The following RAD54L2 variants were observed in gnomAD, a reference collection of about 807,000 sequenced individuals.
RAD54L2 encodes the protein RAD54 like 2.
Under a neutral mutation model 138.4 loss-of-function variants are expected in RAD54L2, and 27 were observed. The ratio of observed to expected loss-of-function variants is 0.20; its 90% CI spans 0.14 to 0.27. RAD54L2 has a LOEUF of 0.27. RAD54L2 is among the 10% of genes least tolerant of loss of function. The pLI, the probability that RAD54L2 is intolerant of heterozygous loss-of-function variation, is 1.00. For missense variants in RAD54L2, 1,396 were observed against 1,890.2 expected (o/e 0.74, Z 4.85); for synonymous variants, 644 against 723.2 (o/e 0.89, Z 1.76).
At position 51,662,527 on chromosome 3, in the gene RAD54L2, G is replaced by C; in HGVS notation, c.3511G>C (p.Asp1171His). 4 of 1,613,498 alleles carry C rather than the reference G, an allele frequency of 2.5e-6. No homozygotes were observed. Among genetic ancestry groups the C allele is most frequent in the Non-Finnish European group, 3.4e-6 (4 of 1,179,672 alleles). Residue 1171 changes from aspartate to histidine, a missense_variant, in exon 23 of 23, where the codon GAC becomes CAC. This residue lies in a region of RAD54L2 where 634 missense variants were observed against 711.2 expected (regional missense o/e 0.89). Coordinates refer to ENST00000684192, the MANE Select transcript of RAD54L2 (RefSeq NM_015106.4). The surrounding 1 kb of genome is among the most constrained non-coding windows in gnomAD (Gnocchi z 4.6). ...PEGLARPVSP[D>H]SPEIISELQQ... ...GGGGCTGGCCAGGCCCGTCTCTCCT[G>C]ACAGCCCAGAGATCATCAGTGAGCT... is the stretch of plus-strand genomic sequence containing the variant.
intron 3 of RAD54L2, among the ~76,000 whole-genome samples, chr3:51,604,814 C>T (rs1227967526): frequency 1.3e-5 from 2 of 152,172 alleles, no homozygotes; most frequent in Non-Finnish European, 2.9e-5. Context: ...TCACCACAGA[C>T]TTGGGACTGG....
chr3:51,566,426 A>G (rs1699218039), intron 2 of RAD54L2, among the ~76,000 whole-genome samples: 1 of 127,386 alleles, frequency 7.9e-6, no homozygotes. Context: ...TGCTTTTGTA[A>G]TCATGAATAG....
intron 22 of RAD54L2, among the ~76,000 whole-genome samples, chr3:51,661,327 C>T (rs1701767316): frequency 6.6e-6 from 1 of 152,130 alleles, no homozygotes; most frequent in African/African-American, 2.4e-5. Flanking sequence ...CCTTTTTTCA[C>T]TCACCAGTAA....
chr3:51,656,465 A>G (rs977618623), intron 20 of RAD54L2, among the ~76,000 whole-genome samples: 1 of 152,174 alleles, frequency 6.6e-6, no homozygotes, highest in Non-Finnish European at 1.5e-5. Flanking sequence ...TCAGGTTCTT[A>G]TAGAGGTGTG....
chr3:51,600,076 G>A (rs572436482), intron 3 of RAD54L2, among the ~76,000 whole-genome samples: 167 of 152,114 alleles, frequency 1.1e-3, no homozygotes, highest in African/African-American at 4.0e-3. Flanking sequence ...CTGACTATGG[G>A]CACCTGCTAC....
chr3:51,640,464 C>T (rs892828842), intron 14 of RAD54L2, among the ~76,000 whole-genome samples: 3 of 152,128 alleles, frequency 2.0e-5, no homozygotes, highest in African/African-American at 7.2e-5. Flanking sequence ...TAGTTTGCTC[C>T]GGAGTTATAT....
At chr3:51,593,688 T>A (rs528184742) in intron 3 of RAD54L2, among the ~76,000 whole-genome samples, 150 of 152,350 alleles carry the variant, frequency 9.8e-4, no homozygotes, top group African/African-American at 3.5e-3. Flanking sequence ...AGCTTACTTT[T>A]ATATTGTTTG....
Position 51,638,176 on chromosome 3 carries a change from C to T in RAD54L2, c.1715C>T (p.Pro572Leu), listed in dbSNP as rs1424700479. Residue 572 changes from proline to leucine, a missense_variant, in exon 12 of 23, where the codon CCT (proline) becomes CTT (leucine). Around this residue, in one of 7 missense-constraint regions of RAD54L2, gnomAD observed 211 missense variants for 273.8 expected, o/e 0.77. Transcript: ENST00000684192. The surrounding 1 kb of genome is among the most constrained non-coding windows in gnomAD (Gnocchi z 4.3). Reference sequence around the variant, plus strand: ...CACACTGTGCTGAAGATTCATCTCCCTGCCAAGGAAGAAAATGTGATCCTT... The same window carrying T: ...CACACTGTGCTGAAGATTCATCTCCTTGCCAAGGAAGAAAATGTGATCCTT... ...RGHTVLKIHLPAKEENVILVR... is the reference protein window; with the variant it reads ...RGHTVLKIHLLAKEENVILVR... The T allele has an allele frequency of 6.2e-7, 1 of 1,613,998 alleles. No homozygotes were observed. Among genetic ancestry groups the T allele is most frequent in the Non-Finnish European group, 8.5e-7 (1 of 1,179,878 alleles).
chr3:51,664,833 C>T lies in RAD54L2; in HGVS notation c.*1413C>T, dbSNP rs1057330824. 2 of 152,200 alleles carry T rather than the reference C, an allele frequency of 1.3e-5. No homozygotes were observed. The highest frequency in any genetic ancestry group is 4.8e-5 in the African/African-American group (2 of 41,434). 9.4% of individuals were successfully genotyped at this position (152,200 alleles called of 1,614,324 possible). On this transcript the variant is annotated 3_prime_UTR_variant, in exon 23 of 23. Transcript: ENST00000684192. ...GAGTTTGCAATTGGGAAGTAAGAGA[C>T]CCCAGATTTGGAGCTGTGTCCTCCT...
chr3:51,651,014 A>G (rs1701416835), intron 19 of RAD54L2, among the ~76,000 whole-genome samples: 1 of 152,182 alleles, frequency 6.6e-6, no homozygotes, highest in Admixed American at 6.5e-5. Context: ...TTTTGAAAAG[A>G]GCAACAAAAT....
intron 19 of RAD54L2, among the ~76,000 whole-genome samples, chr3:51,654,422 A>G (rs1026536984): frequency 6.6e-6 from 1 of 152,164 alleles, no homozygotes; most frequent in Non-Finnish European, 1.5e-5. Context: ...ACATGGTGGC[A>G]CATACCTGTA....
chr3:51,551,518 C>G (rs1698837213), intron 2 of RAD54L2, among the ~76,000 whole-genome samples: 1 of 151,796 alleles, frequency 6.6e-6, no homozygotes, highest in African/African-American at 2.4e-5. Context: ...TCACTGCAAC[C>G]TCCGCCTCCT....
chr3:51,640,583 G>T (rs1701106088), intron 14 of RAD54L2, among the ~76,000 whole-genome samples: 2 of 152,208 alleles, frequency 1.3e-5, no homozygotes, highest in Admixed American at 1.3e-4. Context: ...TCCAAGAAGA[G>T]CCAAGTGGCA....
intron 21 of RAD54L2, among the ~76,000 whole-genome samples, chr3:51,658,810 A>G (rs1198277875): frequency 6.6e-6 from 1 of 152,154 alleles, no homozygotes; most frequent in Non-Finnish European, 1.5e-5. Context: ...TTCCTAGTTT[A>G]TAGCTGGGGT....
intron 3 of RAD54L2, among the ~76,000 whole-genome samples, chr3:51,625,520 A>C (rs1700658891): frequency 6.6e-6 from 1 of 152,132 alleles, no homozygotes; most frequent in African/African-American, 2.4e-5. Context: ...TTAACATACC[A>C]CAGTAATAAT....
At chr3:51,564,682 T>A (rs558025818) in intron 2 of RAD54L2, among the ~76,000 whole-genome samples, 2 of 152,306 alleles carry the variant, frequency 1.3e-5, no homozygotes, top group South Asian at 4.1e-4. Context: ...TTTGGGAGGC[T>A]GAGGTGGGTG....
Position 51,663,277 on chromosome 3 carries a change from T to A in RAD54L2, c.4261T>A (p.Ser1421Thr). The A allele has an allele frequency of 6.2e-7, 1 of 1,613,896 alleles. No individual in the cohort carries two copies. Among genetic ancestry groups the A allele is most frequent in the Non-Finnish European group, 8.5e-7 (1 of 1,179,864 alleles). The change falls in exon 23 of 23, where the codon TCC (serine) becomes ACC (threonine). Residue 1421 changes from serine (S) to threonine (T), a missense_variant. This residue lies in a region of RAD54L2 where 634 missense variants were observed against 711.2 expected (regional missense o/e 0.89). Transcript: ENST00000684192. The part of the protein sequence containing the change: ...RGMSIYPGYM[S>T]PHAGYPAGGL... ...CATGTCTATCTATCCAGGCTACATG[T>A]CCCCACATGCAGGCTACCCAGCTGG...
chr3:51,666,331 G>A lies in RAD54L2; in HGVS notation c.*2911G>A, dbSNP rs1701911986. The A allele has an allele frequency of 6.6e-6, 1 of 151,984 alleles. No individual in the cohort carries two copies. The highest frequency in any genetic ancestry group is 1.5e-5 in the Non-Finnish European group (1 of 68,038). 9.4% of individuals were successfully genotyped at this position (151,984 alleles called of 1,614,324 possible). A position where few individuals can be genotyped will look rare whatever the true frequency, so the allele number is the denominator to read the frequency against. On this transcript the variant is annotated 3_prime_UTR_variant, in exon 23 of 23. Coordinates refer to ENST00000684192, the MANE Select transcript of RAD54L2 (RefSeq NM_015106.4). ...TGAGGGAAGCAGGAAGTATCTCAGA[G>A]CCTAAGAACCATGTTTTATAGTTTC...
intron 3 of RAD54L2, among the ~76,000 whole-genome samples, chr3:51,591,319 A>G (rs558257032): frequency 1.2e-4 from 19 of 152,300 alleles, no homozygotes; most frequent in African/African-American, 4.6e-4. Flanking sequence ...TAAGCTTCCT[A>G]CTGACTGAGG....
Sources: gnomAD v4.1 joint callset for allele counts (sites outside exome capture counted in the v4.1 genomes callset) on GRCh38, gnomAD v4.1.1 for gene constraint, gnomAD v4.1.1 regional missense constraint, Gnocchi (gnomAD v3.1) non-coding constraint, MANE v1.5 for transcripts, NCBI Gene and HGNC (gene_info 2026-07-23, HGNC 2026-07-21) for gene names.